Variants in PARD3 observed in about 807,000 individuals in gnomAD.
The protein encoded by PARD3 is partitioning defective 3 homolog.
A neutral mutation model predicts 155.4 loss-of-function variants in PARD3; 75 were observed. That is an observed-to-expected ratio of 0.48 (90% CI 0.40 to 0.58). PARD3 has a LOEUF of 0.58. Among genes scored for constraint, PARD3 ranks in the 20% least tolerant of loss-of-function variants. PARD3 has a pLI of 0.00. For missense variants in PARD3, 1,642 were observed against 1,721.7 expected (o/e 0.95, Z 0.82); for synonymous variants, 576 against 610.5 (o/e 0.94, Z 0.83).
intron 1 of PARD3, among the ~76,000 whole-genome samples, chr10:34,814,673 T>G (rs1844674610): frequency 6.6e-6 from 1 of 151,560 alleles, no homozygotes; most frequent in Non-Finnish European, 1.5e-5. Flanking sequence ...CCCGGCTGGG[T>G]GTCCCAGAGG....
At chr10:34,716,551 C>T (rs2094522090) in intron 1 of PARD3, among the ~76,000 whole-genome samples, 1 of 150,578 alleles carries the variant, frequency 6.6e-6, no homozygotes, top group South Asian at 2.1e-4. Flanking sequence ...CAACCTGCAG[C>T]CCCATGGGCT....
intron 22 of PARD3, among the ~76,000 whole-genome samples, chr10:34,242,446 C>T (rs1953669256): frequency 6.6e-6 from 1 of 152,120 alleles, no homozygotes; most frequent in African/African-American, 2.4e-5. Flanking sequence ...CCTTCATCTG[C>T]ACCCCTCATC....
rs114338984 is a variant in PARD3, at chr10:34,578,563, T to A, written c.223-61404A>T. Reference sequence around the variant, plus strand: ...CACCACAGTTGTAATTTCCACACATTAGCTCATTTTAACCTGACAACTCAG... The same window carrying A: ...CACCACAGTTGTAATTTCCACACATAAGCTCATTTTAACCTGACAACTCAG... On this transcript the variant is annotated intron_variant, in intron 2 of 24. Transcript: ENST00000374788. 2.2e-3 allele frequency among the ~76,000 whole-genome samples: 333 copies of A among 152,324 alleles called. 3 individuals carry two copies. Among genetic ancestry groups the A allele is most frequent in the African/African-American group, 7.5e-3 (310 of 41,572 alleles).
chr10:34,176,291 T>C (rs189104222), intron 22 of PARD3, among the ~76,000 whole-genome samples: 133 of 152,344 alleles, frequency 8.7e-4, no homozygotes, highest in African/African-American at 3.1e-3. Flanking sequence ...CACTGACTTC[T>C]AAGCCAAGAG....
At chr10:34,419,388 G>A (rs1452492271) in intron 5 of PARD3, among the ~76,000 whole-genome samples, 1 of 152,086 alleles carries the variant, frequency 6.6e-6, no homozygotes, top group Non-Finnish European at 1.5e-5. Context: ...ATGGTGGCAT[G>A]TGCCTGTAGT....
chr10:34,213,522 C>A (rs1017403029), intron 22 of PARD3, among the ~76,000 whole-genome samples: 4 of 152,234 alleles, frequency 2.6e-5, no homozygotes, highest in Non-Finnish European at 5.9e-5. Context: ...ATTCTCACTT[C>A]TTACATTCCA....
chr10:34,505,819 T>C (rs2081024128), intron 3 of PARD3, among the ~76,000 whole-genome samples: 1 of 152,228 alleles, frequency 6.6e-6, no homozygotes, highest in African/African-American at 2.4e-5. Context: ...ATGTTTATTC[T>C]GCTTAAAGAC....
intron 22 of PARD3, among the ~76,000 whole-genome samples, chr10:34,202,225 A>C (rs1368336763): frequency 6.6e-6 from 1 of 152,108 alleles, no homozygotes; most frequent in Non-Finnish European, 1.5e-5. Context: ...GGCACATACC[A>C]TAATACCCGG....
intron 1 of PARD3, among the ~76,000 whole-genome samples, chr10:34,747,660 C>A (rs1383979459): frequency 1.3e-5 from 2 of 152,184 alleles, no homozygotes; most frequent in South Asian, 2.1e-4. Flanking sequence ...GAGCTGGTGT[C>A]GTGGTATGCC....
chr10:34,523,142 C>G (rs536340106), intron 2 of PARD3, among the ~76,000 whole-genome samples: 2 of 152,298 alleles, frequency 1.3e-5, no homozygotes, highest in South Asian at 4.1e-4. Flanking sequence ...ATCACTCAGT[C>G]TTAAACAGAG....
At chr10:34,254,272 A>G (rs759591609) in intron 22 of PARD3, among the ~76,000 whole-genome samples, 7 of 152,022 alleles carry the variant, frequency 4.6e-5, no homozygotes, top group East Asian at 1.9e-4. Flanking sequence ...CCAGCTACTC[A>G]GGAGGCTGAG....
At chr10:34,383,789 T>C (rs1779761889) in intron 8 of PARD3, among the ~76,000 whole-genome samples, 1 of 152,114 alleles carries the variant, frequency 6.6e-6, no homozygotes, top group South Asian at 2.1e-4. Context: ...CTTGTTTGTA[T>C]CTAGAGAAAC....
chr10:34,573,750 C>T (rs866898186), intron 2 of PARD3, among the ~76,000 whole-genome samples: 1 of 118,490 alleles, frequency 8.4e-6, no homozygotes, highest in East Asian at 2.0e-4. Flanking sequence ...CACACACACA[C>T]ACACACACAC....
chr10:34,295,002 G>A (rs552460593), intron 20 of PARD3, among the ~76,000 whole-genome samples: 1 of 152,106 alleles, frequency 6.6e-6, no homozygotes, highest in Admixed American at 6.5e-5. Flanking sequence ...AGGAGTTCAA[G>A]ACCAGCATGG....
chr10:34,689,258 G>C (rs2094005452), intron 2 of PARD3, among the ~76,000 whole-genome samples: 1 of 152,180 alleles, frequency 6.6e-6, no homozygotes, highest in Non-Finnish European at 1.5e-5. Context: ...TCGAATGTCA[G>C]AGCCACGGAA....
intron 1 of PARD3, among the ~76,000 whole-genome samples, chr10:34,789,746 CACAAACAA>C (rs10535420): frequency 6.6e-6 from 1 of 151,642 alleles, no homozygotes. Context: ...TTTATATATA[CACAAACAA>C]ACAGAAAGAA....
intron 2 of PARD3, among the ~76,000 whole-genome samples, chr10:34,548,658 T>C (rs1005006025): frequency 1.3e-5 from 2 of 152,066 alleles, no homozygotes; most frequent in Non-Finnish European, 2.9e-5. Flanking sequence ...TTATGAACAA[T>C]CTTCCTTGAC....
At chr10:34,331,960 G>T (rs960483217) in intron 18 of PARD3, among the ~76,000 whole-genome samples, 4 of 152,148 alleles carry the variant, frequency 2.6e-5, no homozygotes, top group Non-Finnish European at 4.4e-5. Flanking sequence ...TATTCTATAG[G>T]AAGAGTAACA....
intron 5 of PARD3, among the ~76,000 whole-genome samples, chr10:34,435,333 T>C (rs2132588256): frequency 6.6e-6 from 1 of 152,294 alleles, no homozygotes; most frequent in South Asian, 2.1e-4. Flanking sequence ...ATCAGTTGCT[T>C]CCTAGAGTCA....
Sources: allele counts gnomAD v4.1 joint callset (sites outside exome capture counted in the v4.1 genomes callset), GRCh38; gene constraint gnomAD v4.1.1; transcripts MANE v1.5; gene names NCBI Gene and HGNC (gene_info 2026-07-23, HGNC 2026-07-21).